Variants in PARP6 observed in about 807,000 individuals in gnomAD.
PARP6 encodes protein mono-ADP-ribosyltransferase PARP6.
Under a neutral mutation model 92.0 loss-of-function variants are expected in PARP6, and 27 were observed. That is an observed-to-expected ratio of 0.29 (90% confidence interval 0.22 to 0.40). The LOEUF (loss-of-function observed/expected upper bound fraction) is 0.40. Ranked by LOEUF, PARP6 falls within the 10% of genes least tolerant of loss-of-function variation. PARP6 has a pLI of 1.00. For synonymous variants in PARP6, 272 were observed against 281.2 expected (o/e 0.97, Z 0.33); for missense variants, 501 against 784.5 (o/e 0.64, Z 4.32).
intron 2 of PARP6, 32 bp downstream of exon 2, chr15:72,270,991 C>CA (rs1425776080): frequency 2.0e-5 from 3 of 152,012 alleles, no homozygotes; most frequent in Non-Finnish European, 4.4e-5. Context: ...AAAAATCACA[C>CA]AAAAAAATGA....
chr15:72,259,494 T>A, intron 11 of PARP6, 114 bp downstream of exon 11: 1 of 815,396 alleles, frequency 1.2e-6, no homozygotes, highest in South Asian at 1.6e-5. Context: ...TACCATTAGT[T>A]CTGGAAGCAA....
chr15:72,262,424 T>C (rs530153436), intron 8 of PARP6, among the ~76,000 whole-genome samples: 2 of 152,246 alleles, frequency 1.3e-5, no homozygotes, highest in African/African-American at 4.8e-5. Context: ...CCCTTCTACC[T>C]AAGATCAATC....
Position 72,241,773 on chromosome 15 carries a change from T to G in PARP6, c.1790+128A>C, listed in dbSNP as rs1189127056. 1 of 813,392 alleles carries G rather than the reference T, an allele frequency of 1.2e-6. No homozygotes were observed. The highest frequency in any genetic ancestry group is 1.7e-5 in the African/African-American group (1 of 59,580). The allele number at this position is 813,392 out of a possible 1,614,324, so 50.4% of individuals were successfully genotyped here. ...CCATCCTCCAATGGTAAAGTCCCAGTGACAGCTCCACTCAGGTAGCCAAGG... is the reference window on the plus strand; with the variant it reads ...CCATCCTCCAATGGTAAAGTCCCAGGGACAGCTCCACTCAGGTAGCCAAGG... On this transcript the variant is annotated intron_variant, in intron 23 of 23. Transcript: ENST00000569795. The surrounding 1 kb of genome is among the most constrained non-coding windows in gnomAD (Gnocchi z 4.1).
chr15:72,259,434 T>C (rs2085557614), intron 11 of PARP6, among the ~76,000 whole-genome samples, 174 bp downstream of exon 11: 1 of 152,246 alleles, frequency 6.6e-6, no homozygotes, highest in African/African-American at 2.4e-5. Flanking sequence ...ATTGTCTTTC[T>C]AGTAATGCTG....
intron 4 of PARP6, 128 bp downstream of exon 4, chr15:72,266,617 C>T (rs2086628080): frequency 2.8e-6 from 2 of 721,388 alleles, no homozygotes; most frequent in South Asian, 3.3e-5. Flanking sequence ...CAAGACCATG[C>T]TCAGACCACA....
intron 18 of PARP6, 26 bp downstream of exon 18, chr15:72,250,819 C>T (rs772515166): frequency 2.5e-5 from 32 of 1,270,848 alleles, no homozygotes; most frequent in Non-Finnish European, 3.3e-5. Context: ...TCACCACCCC[C>T]ACTGCCCAGC....
chr15:72,262,897 T>A (rs1488138400), intron 8 of PARP6, among the ~76,000 whole-genome samples: 31 of 152,214 alleles, frequency 2.0e-4, no homozygotes, highest in Admixed American at 2.0e-3. Flanking sequence ...GATCCTATCT[T>A]CTTTTCCCAC....
At chr15:72,248,393 G>A (rs1391787828) in intron 20 of PARP6, among the ~76,000 whole-genome samples, 11 of 151,194 alleles carry the variant, frequency 7.3e-5, no homozygotes, top group Middle Eastern at 3.4e-3. Flanking sequence ...CCAGGCTGGT[G>A]TGCAGTGGTG....
intron 13 of PARP6, 45 bp downstream of exon 13, chr15:72,257,303 T>C: frequency 7.2e-7 from 1 of 1,383,218 alleles, no homozygotes; most frequent in Non-Finnish European, 1.0e-6. Flanking sequence ...GGTTCCTCTG[T>C]CTTTCTTGAT....
chr15:72,259,807 A>T, intron 10 of PARP6, 146 bp from the exon 11 acceptor site: 1 of 691,306 alleles, frequency 1.4e-6, no homozygotes, highest in South Asian at 2.1e-5. Context: ...ACTTTTAGAC[A>T]TTTTTGCCAA....
intron 14 of PARP6, 62 bp from the exon 15 acceptor site, chr15:72,254,582 G>T (rs372513264): frequency 2.3e-6 from 3 of 1,308,984 alleles, no homozygotes; most frequent in South Asian, 1.2e-5. Flanking sequence ...AGTAAGATGT[G>T]ATGAAAAGGG....
intron 14 of PARP6, among the ~76,000 whole-genome samples, chr15:72,254,835 G>A (rs142014986): frequency 0.013 from 1,938 of 152,270 alleles, 19 homozygotes; most frequent in Non-Finnish European, 0.018. Flanking sequence ...GTATAGTAAT[G>A]ACAGTAATAG....
chr15:72,268,821 A>C (rs1041421298), intron 2 of PARP6, among the ~76,000 whole-genome samples: 1 of 152,214 alleles, frequency 6.6e-6, no homozygotes, highest in South Asian at 2.1e-4. Flanking sequence ...TGCAATAATT[A>C]TCCCAAAAAT....
At chr15:72,249,974 G>T in intron 19 of PARP6, 46 bp downstream of exon 19, 1 of 1,253,902 alleles carries the variant, frequency 8.0e-7, no homozygotes, top group Non-Finnish European at 1.2e-6. Flanking sequence ...AAACTGAGTA[G>T]GGAAGGGAGC....
At position 72,256,587 on chromosome 15, in the gene PARP6, C is replaced by G. The variant is rs369051284; in HGVS notation, c.1003G>C (p.Val335Leu). 52 of 1,552,872 alleles carry G rather than the reference C, an allele frequency of 3.3e-5. No individual in the cohort carries two copies. The highest frequency in any genetic ancestry group is 4.3e-5 in the Non-Finnish European group (50 of 1,153,672). The change falls in exon 14 of 24, where the codon GTG (valine) becomes CTG (leucine). Residue 335 changes from valine to leucine, a missense_variant. Physicochemically the swap from Val to Leu is conservative, Grantham distance 32. Transcript: ENST00000569795. ...AEEVATGAEVVDLLVAMCRAA... is the reference protein window; with the variant it reads ...AEEVATGAEVLDLLVAMCRAA... ...CTACACATGGCCACCAGCAGATCCACCACCTTAGGGGAAAGGAAAAAAAAC... is the reference window on the plus strand; with the variant it reads ...CTACACATGGCCACCAGCAGATCCAGCACCTTAGGGGAAAGGAAAAAAAAC...
In PARP6 at chr15:72,258,142, C is replaced by G. The variant is rs780711459; in HGVS notation, c.811-10G>C. Reference sequence around the variant, plus strand: ...CTGCATACTTCATGATCTGAGAAAACAACAGATTCTAAGTCTTTTGGAAGT... The same window carrying G: ...CTGCATACTTCATGATCTGAGAAAAGAACAGATTCTAAGTCTTTTGGAAGT... On this transcript the variant is annotated splice_polypyrimidine_tract_variant and intron_variant, in intron 11 of 23. Coordinates refer to ENST00000569795, the MANE Select transcript of PARP6 (RefSeq NM_001323532.2). 6.3e-7 allele frequency: 1 copy of G among 1,591,598 alleles called. No homozygotes were observed. Among genetic ancestry groups the G allele is most frequent in the East Asian group, 2.2e-5 (1 of 44,780 alleles).
intron 11 of PARP6, among the ~76,000 whole-genome samples, chr15:72,259,107 A>G (rs189880962): frequency 7.9e-5 from 12 of 152,362 alleles, no homozygotes; most frequent in Middle Eastern, 6.8e-3. Flanking sequence ...AGTAATGGCA[A>G]TTTTATGGAA....
Position 72,254,436 on chromosome 15 carries a change from C to G in PARP6, c.1191+19G>C. On this transcript the variant is annotated intron_variant, in intron 15 of 23. Transcript: ENST00000569795. Reference sequence around the variant, plus strand: ...AACTGGGCAGGCAAAGGAGAGGGGACAGAGAGAAGGCAGAATACCTGGGTC... The same window carrying G: ...AACTGGGCAGGCAAAGGAGAGGGGAGAGAGAGAAGGCAGAATACCTGGGTC... 3.8e-6 allele frequency: 6 copies of G among 1,585,668 alleles called. No individual in the cohort carries two copies. The highest frequency in any genetic ancestry group is 5.2e-6 in the Non-Finnish European group (6 of 1,154,104).
intron 11 of PARP6, 32 bp downstream of exon 11, chr15:72,259,576 G>A (rs755203193): frequency 6.2e-7 from 1 of 1,605,306 alleles, no homozygotes; most frequent in Non-Finnish European, 8.5e-7. Flanking sequence ...CAACAGGGAA[G>A]GGCTTCGGAG....
Sources: allele counts gnomAD v4.1 joint callset (sites outside exome capture counted in the v4.1 genomes callset), GRCh38; gene constraint gnomAD v4.1.1; non-coding constraint Gnocchi (gnomAD v3.1); transcripts MANE v1.5; gene names NCBI Gene and HGNC (gene_info 2026-07-23, HGNC 2026-07-21).